USH2A: variants seen among roughly 807,000 people sequenced by gnomAD.
USH2A encodes the protein Usher syndrome 2A (autosomal recessive, mild).
A neutral mutation model predicts 538.9 loss-of-function variants in USH2A; 443 were observed. That is an observed-to-expected ratio of 0.82 (90% CI 0.76 to 0.89). The LOEUF (loss-of-function observed/expected upper bound fraction) is 0.89. Ranked by LOEUF, USH2A falls within the 40% of genes least tolerant of loss-of-function variation. USH2A has a pLI of 0.00. For synonymous variants in USH2A, 2,413 were observed against 2,273.5 expected (o/e 1.06, Z -1.75); for missense variants, 6,633 against 6,324.8 (o/e 1.05, Z -1.65).
intron 41 of USH2A, among the ~76,000 whole-genome samples, chr1:215,880,070 G>A (rs989120066): frequency 6.6e-6 from 1 of 152,180 alleles, no homozygotes; most frequent in African/African-American, 2.4e-5. Context: ...TTAGTAATTA[G>A]AGTCATGTTT....
intron 21 of USH2A, among the ~76,000 whole-genome samples, chr1:216,133,033 A>G (rs894184982): frequency 4.6e-5 from 7 of 152,128 alleles, no homozygotes; most frequent in African/African-American, 1.7e-4. Flanking sequence ...CAATGTTAAA[A>G]TAAGTGCAAT....
intron 13 of USH2A, among the ~76,000 whole-genome samples, chr1:216,239,381 G>A (rs1485432675): frequency 3.9e-5 from 6 of 152,088 alleles, no homozygotes; most frequent in African/African-American, 1.4e-4. Context: ...ATGCCACTGA[G>A]GTATTTTTGA....
At chr1:215,630,220 A>G (rs1332547956) in intron 70 of USH2A, 11 of 462,082 alleles carry the variant, frequency 2.4e-5, no homozygotes, top group Non-Finnish European at 4.4e-5. Context: ...TTTTAGGGTG[A>G]CATTGCTTGA....
At chr1:216,152,062 T>C (rs2033846608) in intron 21 of USH2A, among the ~76,000 whole-genome samples, 2 of 152,090 alleles carry the variant, frequency 1.3e-5, no homozygotes, top group Admixed American at 1.3e-4. Context: ...TCTCCCACTC[T>C]AGGTTCCCAC....
At chr1:216,159,571 C>CACACACACACAG (rs67390722) in intron 21 of USH2A, among the ~76,000 whole-genome samples, 8 of 145,130 alleles carry the variant, frequency 5.5e-5, no homozygotes, top group African/African-American at 2.0e-4. Flanking sequence ...CACACACACA[C>CACACACACACAG]AGAGAATATT....
At chr1:215,634,866 G>T (rs1048203767) in intron 69 of USH2A, among the ~76,000 whole-genome samples, 163 bp from the exon 70 acceptor site, 1 of 152,252 alleles carries the variant, frequency 6.6e-6, no homozygotes, top group African/African-American at 2.4e-5. Flanking sequence ...TAATGGTTCA[G>T]CAGGTTGCTG....
Position 215,888,607 on chromosome 1 carries a change from A to T in USH2A, c.8042T>A (p.Met2681Lys). 1 of 1,613,874 alleles carries T rather than the reference A, an allele frequency of 6.2e-7. No homozygotes were observed. The change falls in exon 41 of 72, where the codon ATG becomes AAG. Residue 2681 changes from methionine to lysine, a missense_variant. Physicochemically the swap from Met to Lys is moderately conservative, Grantham distance 95 (BLOSUM62 -1). Coordinates refer to ENST00000307340, the MANE Select transcript of USH2A (RefSeq NM_206933.4). ...TLVTLPRSHS[M>K]RFIDKTSALS... ...AGCAGAAGTCTTGTCAATAAACCTC[A>T]TGGAATGACTCCTCGGGAGAGTCAC...
At chr1:216,260,887 G>A (rs2036356969) in intron 11 of USH2A, among the ~76,000 whole-genome samples, 1 of 152,110 alleles carries the variant, frequency 6.6e-6, no homozygotes, top group Admixed American at 6.6e-5. Context: ...AAAGCCGGGA[G>A]CCAGAGTTAT....
rs543793840 is a variant in USH2A, at chr1:216,268,420, T to C, written c.1972-17322A>G. Among the ~76,000 whole-genome samples, 9 of 152,208 alleles carry C rather than the reference T, an allele frequency of 5.9e-5. No individual in the cohort carries two copies. The South Asian group carries it at 1.7e-3, about 28-fold the overall frequency. ...TTAACTGAGATTATTAATGTAAACA[T>C]GTTTAGCATCATCTCTGGAACATAG... On this transcript the variant is annotated intron_variant, in intron 11 of 71. Transcript: ENST00000307340.
At chr1:216,344,739 G>A (rs2038141205) in intron 4 of USH2A, among the ~76,000 whole-genome samples, 1 of 151,710 alleles carries the variant, frequency 6.6e-6, no homozygotes, top group African/African-American at 2.4e-5. Context: ...GGTGGTTAAA[G>A]GCCCCTCTTA....
rs115820048 is a variant in USH2A, at chr1:216,124,357, A to T, written c.4628-27144T>A. On this transcript the variant is annotated intron_variant, in intron 21 of 71. Transcript: ENST00000307340. The stretch of plus-strand genomic sequence containing the variant: ...AAACACAGTAAGTTGGAAATCCTGC[A>T]GCAAGCAAGGAAGCGTATTGATTAG... Among the ~76,000 whole-genome samples, 635 of 152,264 alleles carry T rather than the reference A, an allele frequency of 4.2e-3. 5 individuals carry two copies. The highest frequency in any genetic ancestry group is 0.014 in the African/African-American group (595 of 41,556).
At chr1:215,973,713 T>G (rs1032300252) in intron 35 of USH2A, among the ~76,000 whole-genome samples, 1 of 151,058 alleles carries the variant, frequency 6.6e-6, no homozygotes, top group Non-Finnish European at 1.5e-5. Context: ...TAGCAATCTA[T>G]GTTGAGAAGC....
intron 32 of USH2A, among the ~76,000 whole-genome samples, chr1:216,023,648 A>T (rs1183250906): frequency 6.6e-6 from 1 of 151,936 alleles, no homozygotes; most frequent in Non-Finnish European, 1.5e-5. Context: ...AAGATAATTT[A>T]TCTGAATTTA....
chr1:216,301,250 C>T (rs2037211852), intron 9 of USH2A, among the ~76,000 whole-genome samples: 1 of 152,008 alleles, frequency 6.6e-6, no homozygotes. Flanking sequence ...TATATGAAGT[C>T]CTTGCAAAAG....
At chr1:215,630,186 T>C (rs1478073301) in intron 70 of USH2A, 4 of 492,594 alleles carry the variant, frequency 8.1e-6, no homozygotes, top group South Asian at 5.8e-5. Context: ...CACACAGAGG[T>C]ACCTCAAAGT....
intron 3 of USH2A, among the ~76,000 whole-genome samples, chr1:216,374,200 A>G (rs1364865508): frequency 6.6e-6 from 1 of 151,820 alleles, no homozygotes; most frequent in Non-Finnish European, 1.5e-5. Flanking sequence ...ACGTGTATAC[A>G]TATGTAACAA....
intron 32 of USH2A, among the ~76,000 whole-genome samples, chr1:216,042,489 C>T (rs1275513177): frequency 1.3e-5 from 2 of 151,880 alleles, no homozygotes; most frequent in African/African-American, 4.8e-5. Context: ...ATTGAAATCA[C>T]CAGACATCAT....
chr1:216,206,068 A>G (rs142711010), intron 16 of USH2A, among the ~76,000 whole-genome samples: 182 of 152,278 alleles, frequency 1.2e-3, no homozygotes, highest in African/African-American at 4.2e-3. Flanking sequence ...TGTGTATTAA[A>G]TTACACTATT....
intron 60 of USH2A, among the ~76,000 whole-genome samples, chr1:215,737,564 A>G (rs892170681): frequency 2.6e-5 from 4 of 151,856 alleles, no homozygotes; most frequent in African/African-American, 7.2e-5. Context: ...AGCCTGTCTT[A>G]TATCTCCCAC....
Sources: gnomAD v4.1 joint callset for allele counts (sites outside exome capture counted in the v4.1 genomes callset) on GRCh38, gnomAD v4.1.1 for gene constraint, MANE v1.5 for transcripts, NCBI Gene and HGNC (gene_info 2026-07-23, HGNC 2026-07-21) for gene names.